The following ATP8A2 variants were observed in gnomAD, a reference collection of about 807,000 sequenced individuals.
ATP8A2 encodes phospholipid-transporting ATPase IB.
Under a neutral mutation model 165.6 loss-of-function variants are expected in ATP8A2, and 100 were observed. The observed-to-expected ratio is 0.60, with a 90% confidence interval of 0.51 to 0.71. The LOEUF is 0.71. Among genes scored for constraint, ATP8A2 ranks in the 30% least tolerant of loss-of-function variants. The pLI is 0.00. For synonymous variants in ATP8A2, 543 were observed against 548.8 expected (o/e 0.99, Z 0.15); for missense variants, 1,227 against 1,479.5 (o/e 0.83, Z 2.80).
intron 27 of ATP8A2, among the ~76,000 whole-genome samples, chr13:25,827,726 T>C (rs1016691146): frequency 6.6e-6 from 1 of 152,234 alleles, no homozygotes; most frequent in African/African-American, 2.4e-5. Context: ...ATTTATGATT[T>C]ATATCTCTTT....
chr13:25,844,235 AC>A (rs1951808831), intron 30 of ATP8A2, among the ~76,000 whole-genome samples: 1 of 125,292 alleles, frequency 8.0e-6, no homozygotes, highest in Admixed American at 8.5e-5. Flanking sequence ...TTCTTATTAC[AC>A]TTTTTTTTTT....
chr13:25,829,668 G>T, intron 28 of ATP8A2, among the ~76,000 whole-genome samples: 1 of 63,414 alleles, frequency 1.6e-5, no homozygotes, highest in African/African-American at 6.2e-5. Flanking sequence ...GACAGGTGTG[G>T]TATATATATA....
At chr13:25,894,529 G>A (rs1262974614) in intron 33 of ATP8A2, among the ~76,000 whole-genome samples, 1 of 152,058 alleles carries the variant, frequency 6.6e-6, no homozygotes, top group Non-Finnish European at 1.5e-5. Context: ...CTCTTTTTTG[G>A]TTCCATATGA....
At chr13:25,377,728 G>T (rs2032686163) in intron 1 of ATP8A2, among the ~76,000 whole-genome samples, 1 of 152,314 alleles carries the variant, frequency 6.6e-6, no homozygotes, top group East Asian at 1.9e-4. Context: ...TGAGGTGGAG[G>T]TTGTGGTGAG....
At chr13:25,792,992 TA>T (rs1335155983) in intron 27 of ATP8A2, among the ~76,000 whole-genome samples, 2 of 110,120 alleles carry the variant, frequency 1.8e-5, no homozygotes, top group Admixed American at 1.1e-4. Context: ...AGAGGAGGGA[TA>T]GGGGAGAGAG....
At chr13:25,461,713 A>G (rs1305604639) in intron 1 of ATP8A2, among the ~76,000 whole-genome samples, 1 of 152,178 alleles carries the variant, frequency 6.6e-6, no homozygotes, top group Non-Finnish European at 1.5e-5. Context: ...TTTCCTTGAG[A>G]TGGGAGTTGG....
At chr13:25,649,817 C>T (rs1290022043) in intron 24 of ATP8A2, among the ~76,000 whole-genome samples, 1 of 152,172 alleles carries the variant, frequency 6.6e-6, no homozygotes, top group Non-Finnish European at 1.5e-5. Context: ...CACTTTCCAC[C>T]TCTTCCAGGA....
At chr13:25,546,011 G>A (rs1477626960) in intron 10 of ATP8A2, among the ~76,000 whole-genome samples, 1 of 152,058 alleles carries the variant, frequency 6.6e-6, no homozygotes, top group African/African-American at 2.4e-5. Context: ...CCCAAAGCTA[G>A]TTTTAAGATT....
intron 33 of ATP8A2, among the ~76,000 whole-genome samples, chr13:25,952,797 A>G (rs1382323886): frequency 6.6e-6 from 1 of 152,138 alleles, no homozygotes; most frequent in Admixed American, 6.5e-5. Flanking sequence ...TTTAGAGGGG[A>G]GCACAGCTCT....
At chr13:25,958,824 C>T (rs542389232) in intron 33 of ATP8A2, among the ~76,000 whole-genome samples, 1 of 152,248 alleles carries the variant, frequency 6.6e-6, no homozygotes, top group Admixed American at 6.5e-5. Context: ...TTAGGACAGG[C>T]TTCATATTTT....
chr13:25,565,021 C>A (rs1451539675), intron 16 of ATP8A2, among the ~76,000 whole-genome samples: 1 of 152,184 alleles, frequency 6.6e-6, no homozygotes, highest in African/African-American at 2.4e-5. Context: ...TCATCCAGGT[C>A]ACTGCAAATG....
chr13:25,969,253 T>C (rs1027415415), intron 35 of ATP8A2, among the ~76,000 whole-genome samples: 1 of 152,154 alleles, frequency 6.6e-6, no homozygotes, highest in Non-Finnish European at 1.5e-5. Context: ...AGCCTGCCCT[T>C]CCCCACAAGG....
intron 33 of ATP8A2, among the ~76,000 whole-genome samples, chr13:25,866,185 C>T (rs1952503969): frequency 6.6e-6 from 1 of 152,226 alleles, no homozygotes; most frequent in Non-Finnish European, 1.5e-5. Flanking sequence ...TGCCATCTTA[C>T]TTGACCTCTG....
intron 2 of ATP8A2, among the ~76,000 whole-genome samples, chr13:25,497,270 C>T (rs949932630): frequency 2.6e-5 from 4 of 152,146 alleles, no homozygotes; most frequent in Non-Finnish European, 5.9e-5. Flanking sequence ...TTGTAGGCTT[C>T]ATATTTTACT....
intron 1 of ATP8A2, among the ~76,000 whole-genome samples, chr13:25,423,035 C>T (rs1449739639): frequency 6.6e-6 from 1 of 152,046 alleles, no homozygotes; most frequent in Non-Finnish European, 1.5e-5. Context: ...ATTAGTGACT[C>T]CATTTTGGTT....
At chr13:25,417,340 C>T (rs2034161062) in intron 1 of ATP8A2, among the ~76,000 whole-genome samples, 1 of 152,146 alleles carries the variant, frequency 6.6e-6, no homozygotes, top group Non-Finnish European at 1.5e-5. Flanking sequence ...TCATTTCTCC[C>T]ATTTCCCCAA....
intron 27 of ATP8A2, among the ~76,000 whole-genome samples, chr13:25,804,491 C>T (rs755617978): frequency 1.1e-4 from 16 of 152,248 alleles, no homozygotes; most frequent in Non-Finnish European, 1.9e-4. Context: ...GTATATTAAT[C>T]TAACAATTAA....
intron 33 of ATP8A2, among the ~76,000 whole-genome samples, chr13:25,949,551 A>G (rs1006071473): frequency 1.3e-5 from 2 of 152,216 alleles, no homozygotes; most frequent in African/African-American, 2.4e-5. Flanking sequence ...AAAATTGCCT[A>G]TAAGTACACA....
At chr13:25,603,462 C>T (rs537298678) in intron 24 of ATP8A2, among the ~76,000 whole-genome samples, 71 of 132,642 alleles carry the variant, frequency 5.4e-4, no homozygotes, top group African/African-American at 1.5e-3. Context: ...CAGAATGAGA[C>T]TCTGTCTCAA....
Sources: gnomAD v4.1 joint callset for allele counts (sites outside exome capture counted in the v4.1 genomes callset) on GRCh38, gnomAD v4.1.1 for gene constraint, MANE v1.5 for transcripts, NCBI Gene and HGNC (gene_info 2026-07-23, HGNC 2026-07-21) for gene names.